The following ZFYVE16 variants were observed in gnomAD, a reference collection of about 807,000 sequenced individuals.
ZFYVE16 encodes the protein zinc finger FYVE domain-containing protein 16.
In ZFYVE16, 89 loss-of-function variants were observed where a neutral mutation model predicts 138.1. The observed-to-expected ratio is 0.64, with a 90% CI of 0.54 to 0.77. The LOEUF (loss-of-function observed/expected upper bound fraction) is 0.77. Ranked by LOEUF, ZFYVE16 falls within the 30% of genes least tolerant of loss-of-function variation. ZFYVE16 has a pLI of 0.00. For synonymous variants in ZFYVE16, 596 were observed against 618.3 expected, an observed-to-expected ratio of 0.96 and a Z score of 0.53; for missense variants, 1,793 against 1,786.7, an observed-to-expected ratio of 1.00 and a Z score of -0.06.
chr5:80,458,031 C>CT (rs1420442734), intron 14 of ZFYVE16, among the ~76,000 whole-genome samples: 2 of 91,834 alleles, frequency 2.2e-5, no homozygotes, highest in Non-Finnish European at 3.9e-5. Flanking sequence ...GAGACTACGT[C>CT]TAAAAAAAAA....
In ZFYVE16 at chr5:80,450,607, C is replaced by T. The variant is rs77783275; in HGVS notation, c.3382+21C>T. ...AAAAGGTATGGCATTTTATTTTGAA[C>T]TGTTCAGACTGGGGAATGGATAAAT... On this transcript the variant is annotated intron_variant, in intron 10 of 18. Coordinates refer to ENST00000505560, the MANE Select transcript of ZFYVE16 (RefSeq NM_001284236.3). 5.2e-3 allele frequency: 8,315 copies of T among 1,603,986 alleles called. 358 individuals are homozygous for T. In the African/African-American group the frequency reaches 0.095, roughly 18 times the overall value.
chr5:80,457,305 G>A (rs1243014177), intron 14 of ZFYVE16, among the ~76,000 whole-genome samples: 2 of 152,180 alleles, frequency 1.3e-5, no homozygotes, highest in Non-Finnish European at 2.9e-5. Flanking sequence ...TTGGAAGACT[G>A]TTTTCCTTTT....
chr5:80,411,134 A>ATTTTTTTTTTTTTTTTTT, intron 1 of ZFYVE16, among the ~76,000 whole-genome samples: 1 of 95,244 alleles, frequency 1.0e-5, no homozygotes, highest in Non-Finnish European at 2.0e-5. Context: ...CGCCCAGCTA[A>ATTTTTTTTTTTTTTTTTT]TTTTTTTTTT....
chr5:80,476,639 T>G (rs942434788), intron 18 of ZFYVE16, among the ~76,000 whole-genome samples: 3 of 152,246 alleles, frequency 2.0e-5, no homozygotes, highest in Non-Finnish European at 4.4e-5. Flanking sequence ...TAAACGTGGG[T>G]GAGTTCATAT....
At position 80,457,073 on chromosome 5, in the gene ZFYVE16, C is replaced by T; in HGVS notation, c.3924C>T (p.Ala1308=). 1 of 1,611,672 alleles carries T rather than the reference C, an allele frequency of 6.2e-7. No individual in the cohort carries two copies. Among genetic ancestry groups the T allele is most frequent in the Admixed American group, 1.7e-5 (1 of 59,546 alleles). Residue 1308 remains alanine, a synonymous_variant, in exon 14 of 19, where the codon GCC becomes GCT. Coordinates refer to ENST00000505560, the MANE Select transcript of ZFYVE16 (RefSeq NM_001284236.3). ...DGIYETQANS[A]TGHPRKVTGA... ...TTTATGAAACACAGGCCAACAGTGC[C>T]ACTGGCCATCCTAGAAAAGGTGAGC...
At chr5:80,455,559 A>G in intron 11 of ZFYVE16, 133 bp from the exon 12 acceptor site, 1 of 748,980 alleles carries the variant, frequency 1.3e-6, no homozygotes, top group Non-Finnish European at 2.1e-6. Flanking sequence ...ATTATCTCTC[A>G]CTTTCCCCTA....
chr5:80,473,721 A>G (rs760749495), intron 16 of ZFYVE16, 33 bp from the exon 17 acceptor site: 1 of 1,436,412 alleles, frequency 7.0e-7, no homozygotes, highest in South Asian at 1.3e-5. Flanking sequence ...CATTGGTGCT[A>G]ATAATTCTAT....
chr5:80,422,614 C>T (rs1189630443), intron 1 of ZFYVE16, among the ~76,000 whole-genome samples: 1 of 152,016 alleles, frequency 6.6e-6, no homozygotes, highest in Non-Finnish European at 1.5e-5. Flanking sequence ...GCCACCATGC[C>T]AGGCTAATTT....
intron 12 of ZFYVE16, 124 bp downstream of exon 12, chr5:80,455,898 T>C: frequency 1.2e-6 from 1 of 822,648 alleles, no homozygotes; most frequent in Non-Finnish European, 1.8e-6. Flanking sequence ...GACCATTCAT[T>C]TACAATAAAT....
At chr5:80,462,438 A>G (rs1561320409) in intron 15 of ZFYVE16, among the ~76,000 whole-genome samples, 2 of 152,300 alleles carry the variant, frequency 1.3e-5, no homozygotes, top group East Asian at 1.9e-4. Flanking sequence ...CTCACTTGCT[A>G]TCATTAGAAC....
intron 2 of ZFYVE16, among the ~76,000 whole-genome samples, chr5:80,432,595 TTAAAC>T (rs773783664): frequency 6.6e-6 from 1 of 151,962 alleles, no homozygotes; most frequent in Non-Finnish European, 1.5e-5. Context: ...TGGGATCAGA[TTAAAC>T]TAAAGAGCAT....
chr5:80,409,617 T>C (rs1351418374), intron 1 of ZFYVE16: 1 of 152,236 alleles, frequency 6.6e-6, no homozygotes, highest in East Asian at 1.9e-4. Context: ...CGAATCACTT[T>C]AATGTCTGGC....
Position 80,450,481 on chromosome 5 carries a change from G to T in ZFYVE16, c.3277G>T (p.Gly1093Ter), listed in dbSNP as rs202214231. Reference sequence around the variant, plus strand: ...TTCAACCAATGGATTGCATGGCTTGGGACAGGCAGAAATTATTATTCTATT... The same window carrying T: ...TTCAACCAATGGATTGCATGGCTTGTGACAGGCAGAAATTATTATTCTATT... ...YFSTNGLHGL[G>*]QAEIIILLLC... The change falls in exon 10 of 19, where the codon GGA becomes TGA. Residue 1093 changes from glycine (G) to a stop codon, truncating the protein, a stop_gained. Transcript: ENST00000505560. LOFTEE classifies it high-confidence loss of function. 6 of 1,613,508 alleles carry T rather than the reference G, an allele frequency of 3.7e-6. No individual in the cohort carries two copies. The highest frequency in any genetic ancestry group is 4.2e-6 in the Non-Finnish European group (5 of 1,179,706).
chr5:80,434,100 AT>A lies in ZFYVE16; in HGVS notation c.-39-3del. On this transcript the variant is annotated splice_polypyrimidine_tract_variant and splice_region_variant and intron_variant, in intron 2 of 18. Transcript: ENST00000505560. Reference sequence around the variant, plus strand: ...TAAATGAAATATTATTATACTTTCTATTTTTTAGGCATACAAGAATTAAATT... The same window carrying A: ...TAAATGAAATATTATTATACTTTCTATTTTTAGGCATACAAGAATTAAATT... 1 of 1,538,740 alleles carries A rather than the reference AT, an allele frequency of 6.5e-7. No individual in the cohort carries two copies.
chr5:80,460,484 C>T (rs746158452), intron 15 of ZFYVE16, among the ~76,000 whole-genome samples: 12 of 152,204 alleles, frequency 7.9e-5, no homozygotes, highest in Non-Finnish European at 1.3e-4. Context: ...ATCTATCATA[C>T]AGTTTCGAAA....
Position 80,437,159 on chromosome 5 carries a change from A to G in ZFYVE16, c.474A>G (p.Ala158=). The G allele has an allele frequency of 6.2e-7, 1 of 1,614,078 alleles. No individual in the cohort carries two copies. The highest frequency in any genetic ancestry group is 8.5e-7 in the Non-Finnish European group (1 of 1,179,972). ...KLLPDDFKSN[A]DSLIGLDLSS... ...TGCCAGATGATTTTAAGTCTAATGC[A>G]GATTCCTTGATTGGATTGGATTTAT... Residue 158 remains alanine, a synonymous_variant, in exon 4 of 19, where the codon GCA becomes GCG. Coordinates refer to ENST00000505560, the MANE Select transcript of ZFYVE16 (RefSeq NM_001284236.3).
At chr5:80,417,147 T>C (rs756945586) in intron 1 of ZFYVE16, among the ~76,000 whole-genome samples, 3 of 152,184 alleles carry the variant, frequency 2.0e-5, no homozygotes, top group East Asian at 1.9e-4. Context: ...TATACAGATA[T>C]AGTGATTTCA....
chr5:80,475,172 A>C (rs1386808282), intron 18 of ZFYVE16, among the ~76,000 whole-genome samples: 1 of 152,220 alleles, frequency 6.6e-6, no homozygotes, highest in African/African-American at 2.4e-5. Flanking sequence ...CAGTGGGGCC[A>C]AGTTTGGCCT....
At chr5:80,469,940 AT>A (rs1396294258) in intron 15 of ZFYVE16, among the ~76,000 whole-genome samples, 1 of 150,918 alleles carries the variant, frequency 6.6e-6, no homozygotes, top group Non-Finnish European at 1.5e-5. Context: ...CTCAAGATTT[AT>A]TATATGTTTA....
Sources: gnomAD v4.1 joint callset for allele counts (sites outside exome capture counted in the v4.1 genomes callset) on GRCh38, gnomAD v4.1.1 for gene constraint, MANE v1.5 for transcripts, NCBI Gene and HGNC (gene_info 2026-07-23, HGNC 2026-07-21) for gene names.